Variants in SCAPER observed in about 807,000 individuals in gnomAD.
The protein encoded by SCAPER is S phase cyclin A-associated protein in the endoplasmic reticulum.
In SCAPER, 98 loss-of-function variants were observed where a neutral mutation model predicts 182.2. The observed-to-expected ratio is 0.54, with a 90% CI of 0.46 to 0.64. The LOEUF is 0.64. Ranked by LOEUF, SCAPER falls within the 30% of genes least tolerant of loss-of-function variation. The pLI is 0.00. For missense variants in SCAPER, 1,432 were observed against 1,690.0 expected (o/e 0.85, Z 2.68); for synonymous variants, 605 against 564.6 (o/e 1.07, Z -1.01).
chr15:76,645,269 A>G (rs1441717489), intron 21 of SCAPER, among the ~76,000 whole-genome samples: 1 of 152,144 alleles, frequency 6.6e-6, no homozygotes, highest in African/African-American at 2.4e-5. Flanking sequence ...GGATGACTAT[A>G]TATAAAATGT....
intron 26 of SCAPER, among the ~76,000 whole-genome samples, chr15:76,408,407 G>A (rs1238148954): frequency 2.6e-5 from 4 of 152,054 alleles, no homozygotes; most frequent in Non-Finnish European, 5.9e-5. Context: ...CCAGTGGAAT[G>A]TTTTTGCAAC....
chr15:76,869,335 G>A (rs4583202), intron 2 of SCAPER, among the ~76,000 whole-genome samples: 131,455 of 152,062 alleles, frequency 0.86, 56,865 homozygotes, highest in Middle Eastern at 0.91. Flanking sequence ...AATCCACAGA[G>A]TGGAAGAAAA....
At chr15:76,879,222 C>G (rs1568394855) in intron 2 of SCAPER, among the ~76,000 whole-genome samples, 2 of 152,208 alleles carry the variant, frequency 1.3e-5, no homozygotes, top group South Asian at 2.1e-4. Flanking sequence ...TATGGAATAG[C>G]CTGCCCCTCT....
chr15:76,498,062 G>C (rs1010711386), intron 24 of SCAPER, among the ~76,000 whole-genome samples: 8 of 140,496 alleles, frequency 5.7e-5, no homozygotes, highest in Non-Finnish European at 9.1e-5. Flanking sequence ...TAAGTTGACA[G>C]ATATTGGCGT....
At chr15:76,541,650 C>G (rs2044762358) in intron 23 of SCAPER, among the ~76,000 whole-genome samples, 1 of 152,106 alleles carries the variant, frequency 6.6e-6, no homozygotes. Flanking sequence ...GCGACAGCTC[C>G]TGAAATCAAT....
chr15:76,559,041 T>G (rs1313370485), intron 23 of SCAPER, among the ~76,000 whole-genome samples: 4 of 144,362 alleles, frequency 2.8e-5, no homozygotes, highest in Non-Finnish European at 4.6e-5. Flanking sequence ...TGAGATCTGG[T>G]TTTTTTTTTC....
intron 5 of SCAPER, among the ~76,000 whole-genome samples, chr15:76,815,798 A>C (rs12442512): frequency 0.013 from 1,949 of 152,298 alleles, 121 homozygotes; most frequent in Admixed American, 0.1. Context: ...TTTCATCCTG[A>C]AACTACCCCT....
At chr15:76,461,357 T>A (rs1323801017) in intron 25 of SCAPER, among the ~76,000 whole-genome samples, 1 of 151,852 alleles carries the variant, frequency 6.6e-6, no homozygotes, top group Non-Finnish European at 1.5e-5. Flanking sequence ...CAAAAAAGAT[T>A]ATTTTGTGGG....
intron 20 of SCAPER, among the ~76,000 whole-genome samples, chr15:76,695,967 G>C (rs1409585412): frequency 6.6e-6 from 1 of 152,056 alleles, no homozygotes; most frequent in African/African-American, 2.4e-5. Context: ...ACCCTACTGA[G>C]GTATTAGATG....
At chr15:76,735,074 A>C (rs1251166032) in intron 15 of SCAPER, among the ~76,000 whole-genome samples, 3 of 152,118 alleles carry the variant, frequency 2.0e-5, no homozygotes, top group African/African-American at 7.2e-5. Context: ...GGCAGGGTGC[A>C]GTGGCTCATG....
chr15:76,886,353 G>A (rs1485483593), intron 1 of SCAPER, among the ~76,000 whole-genome samples: 4 of 152,052 alleles, frequency 2.6e-5, no homozygotes, highest in Non-Finnish European at 5.9e-5. Context: ...GGTGGTGCGC[G>A]CCTGTAATCC....
intron 5 of SCAPER, among the ~76,000 whole-genome samples, chr15:76,816,950 C>T (rs2067136762): frequency 6.6e-6 from 1 of 152,204 alleles, no homozygotes; most frequent in Non-Finnish European, 1.5e-5. Flanking sequence ...CCGTGCCTGG[C>T]TGCCAGTAAC....
intron 21 of SCAPER, among the ~76,000 whole-genome samples, chr15:76,660,233 C>T (rs1422363362): frequency 6.6e-6 from 1 of 152,008 alleles, no homozygotes; most frequent in Non-Finnish European, 1.5e-5. Context: ...CTGGGGCCTA[C>T]TTGAGGATGG....
chr15:76,436,612 C>A lies in SCAPER; in HGVS notation c.3079-2302G>T, dbSNP rs1399110931. ...ATCTTCTCATCTTTGTGAAATTATA[C>A]TTTTTAAAAGATTTTTTTTTTGTTT... is the stretch of plus-strand genomic sequence containing the variant. On this transcript the variant is annotated intron_variant, in intron 25 of 31. Transcript: ENST00000563290. 4.0e-5 allele frequency among the ~76,000 whole-genome samples: 6 copies of A among 151,654 alleles called. No individual in the cohort carries two copies. The South Asian group carries it at 1.3e-3, about 32-fold the overall frequency.
chr15:76,494,617 C>A (rs2040319003), intron 24 of SCAPER, among the ~76,000 whole-genome samples: 2 of 152,124 alleles, frequency 1.3e-5, no homozygotes, highest in African/African-American at 4.8e-5. Context: ...TGTCGTCACC[C>A]TGCAAACACT....
chr15:76,585,651 C>A (rs1014479686), intron 22 of SCAPER, among the ~76,000 whole-genome samples: 6 of 152,128 alleles, frequency 3.9e-5, no homozygotes, highest in African/African-American at 1.4e-4. Context: ...TTGTATTTCA[C>A]CCTGAGGTAA....
chr15:76,450,945 T>A (rs1472760430), intron 25 of SCAPER, among the ~76,000 whole-genome samples: 2 of 152,348 alleles, frequency 1.3e-5, no homozygotes, highest in East Asian at 3.9e-4. Context: ...CGCGTCTATG[T>A]AAGAACCATC....
At chr15:76,371,481 G>C (rs1272761893) in intron 29 of SCAPER, among the ~76,000 whole-genome samples, 5 of 151,598 alleles carry the variant, frequency 3.3e-5, no homozygotes, top group African/African-American at 4.8e-5. Flanking sequence ...CACCACGCTC[G>C]GCTAATTTTT....
In SCAPER at chr15:76,602,288, T is replaced by C. The variant is rs1324685146; in HGVS notation, c.2711+19476A>G. Among the ~76,000 whole-genome samples the C allele has an allele frequency of 2.5e-5, 3 of 122,030 alleles. 1 individual carries two copies. The highest frequency in any genetic ancestry group is 2.2e-4 in the East Asian group (1 of 4,568). The allele number at this position is 122,030 out of a possible 152,430, so 80.1% of individuals were successfully genotyped here. On this transcript the variant is annotated intron_variant, in intron 22 of 31. Coordinates refer to ENST00000563290, the MANE Select transcript of SCAPER (RefSeq NM_020843.4). ...TCTCTCTGAAGAACTTCTTTTAACA[T>C]TTCCTGCAAGGCAAGTCTAATAGCA...
Sources: gnomAD v4.1 joint callset for allele counts (sites outside exome capture counted in the v4.1 genomes callset) on GRCh38, gnomAD v4.1.1 for gene constraint, MANE v1.5 for transcripts, NCBI Gene and HGNC (gene_info 2026-07-23, HGNC 2026-07-21) for gene names.